SLC9A6: variants seen among roughly 807,000 people sequenced by gnomAD.
SLC9A6 encodes the protein solute carrier family 9 member A6.
A neutral mutation model predicts 45.3 loss-of-function variants in SLC9A6; 6 were observed. That is an observed-to-expected ratio of 0.13 (90% CI 0.07 to 0.26). The LOEUF (loss-of-function observed/expected upper bound fraction) is 0.26. SLC9A6 is among the 10% of genes least tolerant of loss of function. SLC9A6 has a pLI of 1.00. For missense variants in SLC9A6, 278 were observed against 503.7 expected, an observed-to-expected ratio of 0.55 and a Z score of 4.29; for synonymous variants, 191 against 187.7, an observed-to-expected ratio of 1.02 and a Z score of -0.14.
rs1386820274 is a variant in SLC9A6, at chrX:136,046,607, AT to A, written c.*1885del. 8.9e-6 allele frequency: 1 copy of A among 112,636 alleles called. No homozygotes were observed. Among genetic ancestry groups the A allele is most frequent in the Non-Finnish European group, 1.9e-5 (1 of 53,288 alleles). 9.3% of individuals were successfully genotyped at this position (112,636 alleles called of 1,213,427 possible). A position where few individuals can be genotyped will look rare whatever the true frequency, so the allele number is the denominator to read the frequency against. On this transcript the variant is annotated 3_prime_UTR_variant, in exon 18 of 18. Coordinates refer to ENST00000630721, the MANE Select transcript of SLC9A6 (RefSeq NM_001379110.1). ...TTTATGTAAATACTTCGCATGACAAATTCAGTAACTCGTCTATTTCAGCATG... is the reference window on the plus strand; with the variant it reads ...TTTATGTAAATACTTCGCATGACAAATCAGTAACTCGTCTATTTCAGCATG...
intron 7 of SLC9A6, among the ~76,000 whole-genome samples, chrX:136,008,001 T>A (rs1556618184): frequency 9.0e-6 from 1 of 111,437 alleles, no homozygotes; most frequent in African/African-American, 3.3e-5. Flanking sequence ...TGGAAGGCAG[T>A]GGAGCAACAT....
rs189129747 is a variant in SLC9A6, at chrX:135,995,734, G to A, written c.369+749G>A. ...TCTTGCCTTGCTTGTATTCTATACC[G>A]ATCACAATTTAATCTTTCTTTGATT... On this transcript the variant is annotated intron_variant, in intron 3 of 17. Transcript: ENST00000630721. Among the ~76,000 whole-genome samples, 286 of 111,434 alleles carry A rather than the reference G, an allele frequency of 2.6e-3. 1 individual carries two copies. Among genetic ancestry groups the A allele is most frequent in the African/African-American group, 8.3e-3 (254 of 30,713 alleles).
chrX:136,019,042 T>A (rs189081675), intron 11 of SLC9A6, among the ~76,000 whole-genome samples: 186 of 111,408 alleles, frequency 1.7e-3, no homozygotes, highest in Admixed American at 5.3e-3. Context: ...AGCTAAATAT[T>A]CTCTGTAGGT....
chrX:136,043,584 G>T (rs1467178137), intron 17 of SLC9A6, among the ~76,000 whole-genome samples: 1 of 111,804 alleles, frequency 8.9e-6, no homozygotes, highest in Non-Finnish European at 1.9e-5. Context: ...AGATCAATGT[G>T]AATATTTAGA....
In SLC9A6 at chrX:136,046,149, G is replaced by C. The variant is rs1230662457; in HGVS notation, c.*1425G>C. 8.9e-6 allele frequency: 1 copy of C among 112,182 alleles called. No individual in the cohort carries two copies. Among genetic ancestry groups the C allele is most frequent in the Non-Finnish European group, 1.9e-5 (1 of 53,193 alleles). 9.2% of individuals were successfully genotyped at this position (112,182 alleles called of 1,213,427 possible). A position where few individuals can be genotyped will look rare whatever the true frequency, so the allele number is the denominator to read the frequency against. On this transcript the variant is annotated 3_prime_UTR_variant, in exon 18 of 18. Transcript: ENST00000630721. Reference sequence around the variant, plus strand: ...TTTGGATTTTTTTTCCCTCAGGTCTGAGTAGCATTGCCTTAAATCTTATCC... The same window carrying C: ...TTTGGATTTTTTTTCCCTCAGGTCTCAGTAGCATTGCCTTAAATCTTATCC...
chrX:136,033,920 A>G (rs1005067777), intron 16 of SLC9A6, among the ~76,000 whole-genome samples: 1 of 111,854 alleles, frequency 8.9e-6, no homozygotes, highest in Non-Finnish European at 1.9e-5. Context: ...ATAATGTTCA[A>G]TACTGCGCTG....
chrX:136,000,297 G>GT (rs1556617214), intron 6 of SLC9A6, among the ~76,000 whole-genome samples: 1 of 101,037 alleles, frequency 9.9e-6, no homozygotes, highest in Admixed American at 1.1e-4. Context: ...TAAAGGATTA[G>GT]TTAGAGGGCC....
chrX:135,988,502 C>CTTTCT, intron 2 of SLC9A6, among the ~76,000 whole-genome samples: 2 of 80,842 alleles, frequency 2.5e-5, no homozygotes, highest in African/African-American at 9.5e-5. Context: ...TCTTTCTTTT[C>CTTTCT]TTTCTTTCTT....
At chrX:136,015,380 A>G (rs1482723301) in intron 10 of SLC9A6, among the ~76,000 whole-genome samples, 4 of 112,044 alleles carry the variant, frequency 3.6e-5, no homozygotes, top group Non-Finnish European at 5.6e-5. Flanking sequence ...TTCATGGGAA[A>G]GTTTGCCGAT....
At chrX:136,013,879 G>C (rs1482619353) in intron 10 of SLC9A6, among the ~76,000 whole-genome samples, 1 of 112,042 alleles carries the variant, frequency 8.9e-6, no homozygotes, top group Admixed American at 9.5e-5. Context: ...ACATGACATA[G>C]GTAAGATTAG....
intron 15 of SLC9A6, among the ~76,000 whole-genome samples, chrX:136,031,721 T>C (rs1447621638): frequency 9.0e-6 from 1 of 111,687 alleles, no homozygotes; most frequent in Non-Finnish European, 1.9e-5. Context: ...ATTGTTCCTT[T>C]AATATTTTGA....
upstream of SLC9A6, among the ~76,000 whole-genome samples, chrX:135,981,403 TC>T (rs1359128037): frequency 9.0e-6 from 1 of 111,153 alleles, no homozygotes; most frequent in Non-Finnish European, 1.9e-5. Flanking sequence ...ACCAGGTCCC[TC>T]CCCCAACAGG....
chrX:136,031,676 T>TA (rs1275781532), intron 15 of SLC9A6, among the ~76,000 whole-genome samples: 22 of 104,744 alleles, frequency 2.1e-4, no homozygotes, highest in East Asian at 6.1e-4. Flanking sequence ...AAAAACAAAA[T>TA]AAAAAAAAAA....
At chrX:135,991,929 C>T (rs2089438091) in intron 2 of SLC9A6, among the ~76,000 whole-genome samples, 1 of 110,834 alleles carries the variant, frequency 9.0e-6, no homozygotes, top group South Asian at 3.9e-4. Context: ...TAGTCTTCTT[C>T]CCATTTTACT....
intron 9 of SLC9A6, 101 bp downstream of exon 9, chrX:136,013,155 T>G: frequency 1.4e-6 from 1 of 720,316 alleles, no homozygotes; most frequent in Non-Finnish European, 2.2e-6. Flanking sequence ...TTGAACATAC[T>G]TATTGTGGTT....
chrX:136,016,744 G>T lies in SLC9A6; in HGVS notation c.1180G>T (p.Val394Leu). 1 of 1,093,132 alleles carries T rather than the reference G, an allele frequency of 9.1e-7. No individual in the cohort carries two copies. The highest frequency in any genetic ancestry group is 1.3e-6 in the Non-Finnish European group (1 of 789,575). The allele number at this position is 1,093,132 out of a possible 1,213,427, so 90.1% of individuals were successfully genotyped here. A position where few individuals can be genotyped will look rare whatever the true frequency, so the allele number is the denominator to read the frequency against. The part of the protein sequence containing the change: ...FQNHVFNPTF[V>L]VGAFVAIFLG... The stretch of plus-strand genomic sequence containing the variant: ...GAACCATGTCTTTAACCCAACATTT[G>T]TAGTAGGAGCATTTGTATCCTTTAT... Residue 394 changes from valine (V) to leucine (L), a missense_variant, in exon 11 of 18, where the codon GTA becomes TTA. By Grantham distance (32) the Val-to-Leu change is conservative. Transcript: ENST00000630721.
chrX:136,011,609 A>G (rs1278991476), intron 8 of SLC9A6, among the ~76,000 whole-genome samples: 2 of 111,971 alleles, frequency 1.8e-5, no homozygotes, highest in Non-Finnish European at 3.8e-5. Context: ...CACCTGCTAC[A>G]TGTGCTGTGC....
chrX:135,992,442 T>A (rs1227656698), intron 2 of SLC9A6, among the ~76,000 whole-genome samples: 3 of 111,908 alleles, frequency 2.7e-5, no homozygotes, highest in African/African-American at 9.8e-5. Context: ...CTTCTATGAC[T>A]TCATTTTACT....
chrX:136,001,121 G>T (rs1019822840), intron 6 of SLC9A6, among the ~76,000 whole-genome samples: 3 of 110,836 alleles, frequency 2.7e-5, no homozygotes, highest in African/African-American at 9.9e-5. Context: ...GGATCATGAG[G>T]TCAGGAGATT....
Sources: gnomAD v4.1 joint callset for allele counts (sites outside exome capture counted in the v4.1 genomes callset) on GRCh38, gnomAD v4.1.1 for gene constraint, MANE v1.5 for transcripts, NCBI Gene and HGNC (gene_info 2026-07-23, HGNC 2026-07-21) for gene names.